Variants in ZCCHC2 observed in about 807,000 individuals in gnomAD.
ZCCHC2 encodes the protein zinc finger CCHC domain-containing protein 2.
ZCCHC2 carries 39 observed loss-of-function variants against 103.6 expected under a neutral mutation model. The ratio of observed to expected loss-of-function variants is 0.38; its 90% CI spans 0.29 to 0.49. The LOEUF (loss-of-function observed/expected upper bound fraction) is 0.49. ZCCHC2 is among the 20% of genes least tolerant of loss of function. The pLI is 0.96. For synonymous variants in ZCCHC2, 687 were observed against 608.9 expected (o/e 1.13, Z -1.89); for missense variants, 1,483 against 1,491.0 (o/e 0.99, Z 0.09).
At chr18:62,557,760 G>C (rs1472812206) in intron 6 of ZCCHC2, among the ~76,000 whole-genome samples, 1 of 152,220 alleles carries the variant, frequency 6.6e-6, no homozygotes, top group Non-Finnish European at 1.5e-5. Context: ...AGATGAACAG[G>C]CTGCTCAGGA....
chr18:62,523,270 C>G lies in ZCCHC2; in HGVS notation c.-155C>G, dbSNP rs1343051228. ...GACCCCGCCGGCCGGCCACCGCCCC[C>G]CTCGCCGGCCGAGACCCGCCCCCGG... On this transcript the variant is annotated 5_prime_UTR_variant, in exon 1 of 14. Coordinates refer to ENST00000269499, the MANE Select transcript of ZCCHC2 (RefSeq NM_017742.6). 7.4e-6 allele frequency: 5 copies of G among 679,534 alleles called. No homozygotes were observed. The highest frequency in any genetic ancestry group is 9.1e-6 in the Non-Finnish European group (5 of 550,696). 42.1% of individuals were successfully genotyped at this position (679,534 alleles called of 1,614,324 possible).
intron 11 of ZCCHC2, among the ~76,000 whole-genome samples, chr18:62,566,095 A>G (rs950166672): frequency 2.0e-5 from 3 of 152,112 alleles, no homozygotes; most frequent in Non-Finnish European, 2.9e-5. Context: ...AAATACGAAA[A>G]TTAGCCAGGC....
chr18:62,547,220 G>A lies in ZCCHC2; in HGVS notation c.1200+2347G>A, dbSNP rs554299128. ...GGGCGCCTGTAATCACAGCTACTCTGGAGGCTGAGGCAGAGAATCACTTGA... is the reference window on the plus strand; with the variant it reads ...GGGCGCCTGTAATCACAGCTACTCTAGAGGCTGAGGCAGAGAATCACTTGA... On this transcript the variant is annotated intron_variant, in intron 4 of 13. Transcript: ENST00000269499. 7.2e-5 allele frequency among the ~76,000 whole-genome samples: 11 copies of A among 151,980 alleles called. No individual in the cohort carries two copies. In the East Asian group the frequency reaches 2.1e-3, roughly 30 times the overall value.
At position 62,565,090 on chromosome 18, in the gene ZCCHC2, G is replaced by A; in HGVS notation, c.1840G>A (p.Val614Met). 1 of 1,610,534 alleles carries A rather than the reference G, an allele frequency of 6.2e-7. No homozygotes were observed. Residue 614 changes from valine to methionine, a missense_variant, in exon 11 of 14, where the codon GTG becomes ATG. Val to Met is a conservative substitution (Grantham distance 21, BLOSUM62 1). This residue lies in a region of ZCCHC2 where 884 missense variants were observed against 907.5 expected (regional missense o/e 0.97). Transcript: ENST00000269499. ...TCCTCAGCATGCCCATGGTGGTACT[G>A]TGAAAGGTAAGAAGGTTATTTTTCT... The part of the protein sequence containing the change: ...STPQHAHGGT[V>M]KDVNLDIGSG...
rs1914183258 is a variant in ZCCHC2 at position 62,523,718 on chromosome 18, A to G, written c.294A>G (p.Val98=). 6.6e-7 allele frequency: 1 copy of G among 1,512,946 alleles called. No individual in the cohort carries two copies. Among genetic ancestry groups the G allele is most frequent in the East Asian group, 2.7e-5 (1 of 37,456 alleles). The allele number at this position is 1,512,946 out of a possible 1,614,324, so 93.7% of individuals were successfully genotyped here. Residue 98 remains valine, a synonymous_variant, in exon 1 of 14, where the codon GTA becomes GTG. Coordinates refer to ENST00000269499, the MANE Select transcript of ZCCHC2 (RefSeq NM_017742.6). ...CGGCGCTGCGCGAGCAGGAGCGGGTATACGAGTGGTTCGGGCTGGTGCTGG... is the reference window on the plus strand; with the variant it reads ...CGGCGCTGCGCGAGCAGGAGCGGGTGTACGAGTGGTTCGGGCTGGTGCTGG... The part of the protein sequence containing the change: ...PSAALREQER[V]YEWFGLVLGS...
intron 1 of ZCCHC2, among the ~76,000 whole-genome samples, chr18:62,538,260 C>CA (rs35609138): frequency 0.4 from 49,220 of 122,434 alleles, 10,143 homozygotes; most frequent in Non-Finnish European, 0.43. Context: ...GACCCTGTCT[C>CA]AAAAAAAAAA....
chr18:62,524,552 C>A, intron 1 of ZCCHC2, 189 bp downstream of exon 1: 2 of 863,428 alleles, frequency 2.3e-6, no homozygotes, highest in Non-Finnish European at 3.3e-6. Flanking sequence ...CACTCCCCCA[C>A]CCCACCCCAC....
At position 62,570,250 on chromosome 18, in the gene ZCCHC2, G is replaced by T; in HGVS notation, c.1975+19G>T. On this transcript the variant is annotated intron_variant, in intron 12 of 13. Coordinates refer to ENST00000269499, the MANE Select transcript of ZCCHC2 (RefSeq NM_017742.6). ...GACAGAGGTTTGCTCTTTGAAGTGGGAGTATTGTTGGCATGGCAGGGGTGG... is the reference window on the plus strand; with the variant it reads ...GACAGAGGTTTGCTCTTTGAAGTGGTAGTATTGTTGGCATGGCAGGGGTGG... The T allele has an allele frequency of 6.2e-7, 1 of 1,609,030 alleles. No homozygotes were observed. Among genetic ancestry groups the T allele is most frequent in the Non-Finnish European group, 8.5e-7 (1 of 1,177,494 alleles).
chr18:62,535,038 A>G (rs1007021391), intron 1 of ZCCHC2, among the ~76,000 whole-genome samples: 10 of 152,180 alleles, frequency 6.6e-5, no homozygotes, highest in African/African-American at 2.2e-4. Context: ...GCTAGAAGGC[A>G]TGGAAGCTCC....
intron 11 of ZCCHC2, among the ~76,000 whole-genome samples, chr18:62,568,509 T>A (rs1013418493): frequency 1.3e-5 from 2 of 152,234 alleles, no homozygotes; most frequent in Non-Finnish European, 2.9e-5. Context: ...CTTTGGAAGC[T>A]GCGGTTTTGT....
At position 62,574,804 on chromosome 18, in the gene ZCCHC2, C is replaced by T. The variant is rs759557793; in HGVS notation, c.2723C>T (p.Ser908Leu). 48 of 1,613,912 alleles carry T rather than the reference C, an allele frequency of 3.0e-5. No individual in the cohort carries two copies. Among genetic ancestry groups the T allele is most frequent in the Non-Finnish European group, 4.0e-5 (47 of 1,179,902 alleles). ...GTAGTTCTTCCAGCAGCTGGCCTCTCAGCTGCTCAGCCACCAGCTTCCTAC... is the reference window on the plus strand; with the variant it reads ...GTAGTTCTTCCAGCAGCTGGCCTCTTAGCTGCTCAGCCACCAGCTTCCTAC... ...VKVVLPAAGL[S>L]AAQPPASYPL... The change falls in exon 13 of 14, where the codon TCA becomes TTA. Residue 908 changes from serine to leucine, a missense_variant. Coordinates refer to ENST00000269499, the MANE Select transcript of ZCCHC2 (RefSeq NM_017742.6).
In ZCCHC2 at chr18:62,576,944, C is replaced by A; in HGVS notation, c.*365C>A. 1 of 156,754 alleles carries A rather than the reference C, an allele frequency of 6.4e-6. No individual in the cohort carries two copies. The highest frequency in any genetic ancestry group is 1.4e-5 in the Non-Finnish European group (1 of 71,858). The allele number at this position is 156,754 out of a possible 1,614,324, so 9.7% of individuals were successfully genotyped here. A position where few individuals can be genotyped will look rare whatever the true frequency, so the allele number is the denominator to read the frequency against. On this transcript the variant is annotated 3_prime_UTR_variant, in exon 14 of 14. Transcript: ENST00000269499. ...TTTTTTTTACAACACTGGTGACAGTCATATGGTTTTGAAAAAAAAAAGAAA... is the reference window on the plus strand; with the variant it reads ...TTTTTTTTACAACACTGGTGACAGTAATATGGTTTTGAAAAAAAAAAGAAA...
chr18:62,576,780 A>T lies in ZCCHC2; in HGVS notation c.*201A>T. On this transcript the variant is annotated 3_prime_UTR_variant, in exon 14 of 14. Coordinates refer to ENST00000269499, the MANE Select transcript of ZCCHC2 (RefSeq NM_017742.6). ...TGAGCCTCTGGTCTCCTGGTTCAAC[A>T]ACAGGCTTATATGTATGATACATGT... The T allele has an allele frequency of 1.8e-6, 1 of 541,562 alleles. No homozygotes were observed. 33.5% of individuals were successfully genotyped at this position (541,562 alleles called of 1,614,324 possible).
intron 4 of ZCCHC2, among the ~76,000 whole-genome samples, chr18:62,545,225 GAA>G (rs998524926): frequency 7.0e-6 from 1 of 143,792 alleles, no homozygotes. Flanking sequence ...ATCTCTATTT[GAA>G]AAAAAAAAAG....
chr18:62,578,878 C>T (rs1916963470), downstream of ZCCHC2, among the ~76,000 whole-genome samples: 1 of 152,186 alleles, frequency 6.6e-6, no homozygotes, highest in South Asian at 2.1e-4. Flanking sequence ...AGCGATTCTC[C>T]TGCCTCCGCC....
chr18:62,545,281 G>T (rs544398902), intron 4 of ZCCHC2, among the ~76,000 whole-genome samples: 2 of 152,084 alleles, frequency 1.3e-5, no homozygotes, highest in East Asian at 3.8e-4. Context: ...GTCATTGGTG[G>T]CTGCTTGCAA....
Position 62,523,498 on chromosome 18 carries a change from C to A in ZCCHC2, c.74C>A (p.Ala25Glu). The A allele has an allele frequency of 1.0e-6, 1 of 995,038 alleles. No individual in the cohort carries two copies. The highest frequency in any genetic ancestry group is 3.7e-5 in the South Asian group (1 of 26,776). 61.6% of individuals were successfully genotyped at this position (995,038 alleles called of 1,614,324 possible). A position where few individuals can be genotyped will look rare whatever the true frequency, so the allele number is the denominator to read the frequency against. ...EPPPEAEEPE[A>E]DARPGAKAPS... ...CCGCCCGAGGCGGAGGAGCCCGAGGCGGACGCGCGGCCGGGCGCGAAGGCG... is the reference window on the plus strand; with the variant it reads ...CCGCCCGAGGCGGAGGAGCCCGAGGAGGACGCGCGGCCGGGCGCGAAGGCG... Residue 25 changes from alanine (A) to glutamate (E), a missense_variant, in exon 1 of 14, where the codon GCG (alanine) becomes GAG (glutamate). Around this residue, in one of 3 missense-constraint regions of ZCCHC2, gnomAD observed 568 missense variants for 525.1 expected, o/e 1.08. Transcript: ENST00000269499.
chr18:62,556,822 TTAAAGG>T, intron 6 of ZCCHC2, among the ~76,000 whole-genome samples: 1 of 152,358 alleles, frequency 6.6e-6, no homozygotes, highest in East Asian at 1.9e-4. Context: ...GCACGGACTA[TTAAAGG>T]TAAACCCTCA....
intron 8 of ZCCHC2, among the ~76,000 whole-genome samples, chr18:62,561,826 C>T (rs1335889584): frequency 6.6e-6 from 1 of 152,168 alleles, no homozygotes; most frequent in East Asian, 1.9e-4. Context: ...CAGCAGTTTT[C>T]CTAGCTTCCT....
Sources: allele counts gnomAD v4.1 joint callset (sites outside exome capture counted in the v4.1 genomes callset), GRCh38; gene constraint gnomAD v4.1.1; regional missense constraint gnomAD v4.1.1; transcripts MANE v1.5; gene names NCBI Gene and HGNC (gene_info 2026-07-23, HGNC 2026-07-21).